PCDHGB4: variants seen among roughly 807,000 people sequenced by gnomAD.
The protein encoded by PCDHGB4 is protocadherin gamma-B4.
In PCDHGB4, 38 loss-of-function variants were observed where a neutral mutation model predicts 60.5. The ratio of observed to expected loss-of-function variants is 0.63; its 90% CI spans 0.48 to 0.82. The LOEUF (loss-of-function observed/expected upper bound fraction) is 0.82, where lower values mean the gene tolerates loss of function less well. Ranked by LOEUF, PCDHGB4 falls within the 40% of genes least tolerant of loss-of-function variation. The pLI, the probability that PCDHGB4 is intolerant of heterozygous loss-of-function variation, is 0.00. For synonymous variants in PCDHGB4, 456 were observed against 509.7 expected, an observed-to-expected ratio of 0.89 and a Z score of 1.42; for missense variants, 1,109 against 1,209.6, an observed-to-expected ratio of 0.92 and a Z score of 1.23.
intron 1 of PCDHGB4, chr5:141,394,441 G>A (rs1161641966): frequency 6.2e-7 from 1 of 1,614,236 alleles, no homozygotes; most frequent in Admixed American, 1.7e-5. Flanking sequence ...CCGCCCCTCA[G>A]CAGCAACATG....
chr5:141,403,021 A>G (rs1367554344), intron 1 of PCDHGB4: 2 of 1,613,944 alleles, frequency 1.2e-6, no homozygotes, highest in African/African-American at 1.3e-5. Flanking sequence ...TGGGGATGCT[A>G]TGGGAGGCCA....
chr5:141,407,497 G>GTTTTTTT (rs1554102286), intron 1 of PCDHGB4, among the ~76,000 whole-genome samples: 1 of 152,088 alleles, frequency 6.6e-6, no homozygotes, highest in African/African-American at 2.4e-5. Context: ...CTTTATTTCT[G>GTTTTTTT]TTTTTCTTAG....
rs766042374 is a variant in PCDHGB4 at position 141,418,520 on chromosome 5, C to A, written c.2397+28239C>A. ...GACCGCCTTAGATGGTGGGGACCCTCCCCGAAGCGGTACTGCTCAGATAAG... is the reference window on the plus strand; with the variant it reads ...GACCGCCTTAGATGGTGGGGACCCTACCCGAAGCGGTACTGCTCAGATAAG... On this transcript the variant is annotated intron_variant, in intron 1 of 3. Transcript: ENST00000519479. 6 of 1,613,818 alleles carry A rather than the reference C, an allele frequency of 3.7e-6. No individual in the cohort carries two copies. The highest frequency in any genetic ancestry group is 5.1e-6 in the Non-Finnish European group (6 of 1,179,890).
chr5:141,402,684 A>G (rs2094294341), intron 1 of PCDHGB4, among the ~76,000 whole-genome samples: 1 of 152,144 alleles, frequency 6.6e-6, no homozygotes, highest in African/African-American at 2.4e-5. Context: ...ATCTGATATA[A>G]TGTTACACAT....
intron 1 of PCDHGB4, chr5:141,409,807 C>T (rs1561723178): frequency 1.2e-6 from 2 of 1,611,592 alleles, no homozygotes; most frequent in Non-Finnish European, 1.7e-6. Flanking sequence ...TGCAGGCCCG[C>T]GACCACGGCT....
At chr5:141,501,516 C>T (rs763346187) in intron 2 of PCDHGB4, among the ~76,000 whole-genome samples, 1 of 152,010 alleles carries the variant, frequency 6.6e-6, no homozygotes, top group African/African-American at 2.4e-5. Context: ...GGCCTCCAAG[C>T]TGAAGCCCAG....
In PCDHGB4 at chr5:141,485,132, T is replaced by C. The variant is rs1020670896; in HGVS notation, c.2398-9675T>C. On this transcript the variant is annotated intron_variant, in intron 1 of 3. Transcript: ENST00000519479. This position sits in a 1 kb window ranked among gnomAD's most constrained non-coding sequence, Gnocchi z 5.7. ...GGCTGTTTGGGGCGGGTCGGCTTCATCCGCGTCTCAGGAGCAAGTAGAGAA... is the reference window on the plus strand; with the variant it reads ...GGCTGTTTGGGGCGGGTCGGCTTCACCCGCGTCTCAGGAGCAAGTAGAGAA... 8.1e-6 allele frequency: 12 copies of C among 1,489,136 alleles called. No individual in the cohort carries two copies. Among genetic ancestry groups the C allele is most frequent in the East Asian group, 2.3e-5 (1 of 44,214 alleles). The allele number at this position is 1,489,136 out of a possible 1,614,324, so 92.2% of individuals were successfully genotyped here.
At chr5:141,440,732 A>C (rs2154559008) in intron 1 of PCDHGB4, 1 of 152,346 alleles carries the variant, frequency 6.6e-6, no homozygotes, top group African/African-American at 2.4e-5. Context: ...GTGTTAGAGA[A>C]GCTGCTTGAC....
intron 3 of PCDHGB4, among the ~76,000 whole-genome samples, chr5:141,507,918 G>C (rs1409126707): frequency 6.6e-6 from 1 of 152,208 alleles, no homozygotes; most frequent in Non-Finnish European, 1.5e-5. Flanking sequence ...CAGGCCTGTG[G>C]GGCTGCTGAG....
intron 1 of PCDHGB4, chr5:141,395,876 T>C (rs1175297322): frequency 6.6e-6 from 1 of 152,090 alleles, no homozygotes; most frequent in Non-Finnish European, 1.5e-5. Context: ...AGTATGTGAG[T>C]CAGTGGTCAC....
chr5:141,469,206 AG>A (rs1457933263), intron 1 of PCDHGB4, among the ~76,000 whole-genome samples: 1 of 150,920 alleles, frequency 6.6e-6, no homozygotes, highest in African/African-American at 2.4e-5. Context: ...AGCCTTTTGA[AG>A]TTGAGGCTTC....
intron 1 of PCDHGB4, chr5:141,414,687 T>G: frequency 1.2e-6 from 2 of 1,614,004 alleles, no homozygotes; most frequent in East Asian, 4.5e-5. Flanking sequence ...AGGGGGTACC[T>G]CTGTCCTCAT....
rs2097527384 is a variant in PCDHGB4 at position 141,432,674 on chromosome 5, A to G, written c.2397+42393A>G. 2 of 1,613,856 alleles carry G rather than the reference A, an allele frequency of 1.2e-6. No homozygotes were observed. The highest frequency in any genetic ancestry group is 4.5e-5 in the East Asian group (2 of 44,840). On this transcript the variant is annotated intron_variant, in intron 1 of 3. Coordinates refer to ENST00000519479, the MANE Select transcript of PCDHGB4 (RefSeq NM_003736.4). The surrounding 1 kb of genome is among the most constrained non-coding windows in gnomAD (Gnocchi z 6.0). ...AGCCCTGCTGGACAGAGACGCGCTCAAGCAGAGCCTCGTAGTGGCCGTCCA... is the reference window on the plus strand; with the variant it reads ...AGCCCTGCTGGACAGAGACGCGCTCGAGCAGAGCCTCGTAGTGGCCGTCCA...
In PCDHGB4 at chr5:141,387,922, G is replaced by A. The variant is rs764365334; in HGVS notation, c.38G>A (p.Arg13Lys). Residue 13 changes from arginine (R) to lysine (K), a missense_variant, in exon 1 of 4, where the codon AGG becomes AAG. Arg to Lys is a conservative substitution (Grantham distance 26). Transcript: ENST00000519479. Reference sequence around the variant, plus strand: ...GCCGGGGAGCTGGGCCGGGCTGAGAGGCTGCCAGTGCTCTTTCTCTTCCTG... The same window carrying A: ...GCCGGGGAGCTGGGCCGGGCTGAGAAGCTGCCAGTGCTCTTTCTCTTCCTG... ...SGAGELGRAERLPVLFLFLLS... is the reference protein window; with the variant it reads ...SGAGELGRAEKLPVLFLFLLS... The A allele has an allele frequency of 2.0e-6, 3 of 1,478,496 alleles. No homozygotes were observed. Among genetic ancestry groups the A allele is most frequent in the African/African-American group, 2.8e-5 (2 of 70,646 alleles). The allele number at this position is 1,478,496 out of a possible 1,614,324, so 91.6% of individuals were successfully genotyped here.
intron 1 of PCDHGB4, among the ~76,000 whole-genome samples, chr5:141,405,891 A>G (rs1029768115): frequency 1.3e-5 from 2 of 152,164 alleles, no homozygotes; most frequent in African/African-American, 4.8e-5. Flanking sequence ...TTGCTCCAAC[A>G]CTGAAAGGAG....
At chr5:141,415,189 A>G (rs575244490) in intron 1 of PCDHGB4, 2 of 1,613,958 alleles carry the variant, frequency 1.2e-6, no homozygotes, top group Non-Finnish European at 1.7e-6. Context: ...GGCCGACAGC[A>G]TCCCCCAAGT....
At position 141,409,480 on chromosome 5, in the gene PCDHGB4, CAG is replaced by C. The variant is rs761811893; in HGVS notation, c.2397+19200_2397+19201del. 9 of 1,614,002 alleles carry C rather than the reference CAG, an allele frequency of 5.6e-6. No homozygotes were observed. In the Admixed American group the frequency reaches 8.3e-5, roughly 15 times the overall value. On this transcript the variant is annotated intron_variant, in intron 1 of 3. Transcript: ENST00000519479. ...ACAATGTCACCATCGTAGCCACTGA[CAG>C]GGGCAAGCCGCCTCTTTCTTCCAGT...
intron 1 of PCDHGB4, chr5:141,410,374 G>A: frequency 6.2e-7 from 1 of 1,613,976 alleles, no homozygotes; most frequent in Non-Finnish European, 8.5e-7. Flanking sequence ...CTGCTACTTG[G>A]GACTGCTTCC....
rs376890554 is a variant in PCDHGB4 at position 141,408,250 on chromosome 5, G to A, written c.2397+17969G>A. 3.6e-4 allele frequency: 569 copies of A among 1,595,986 alleles called. 5 individuals are homozygous for A. The highest frequency in any genetic ancestry group is 1.7e-3 in the South Asian group (151 of 89,354). On this transcript the variant is annotated intron_variant, in intron 1 of 3. Coordinates refer to ENST00000519479, the MANE Select transcript of PCDHGB4 (RefSeq NM_003736.4). ...GGCGCCGGGCCGGCCCGCGGCAGGT[G>A]CTATTTCCTTTGCTGCTGCCTTTGT... is the stretch of plus-strand genomic sequence containing the variant.
Sources: gnomAD v4.1 joint callset for allele counts (sites outside exome capture counted in the v4.1 genomes callset) on GRCh38, gnomAD v4.1.1 for gene constraint, Gnocchi (gnomAD v3.1) non-coding constraint, MANE v1.5 for transcripts, NCBI Gene and HGNC (gene_info 2026-07-23, HGNC 2026-07-21) for gene names.